HSPBAP1: variants seen among roughly 807,000 people sequenced by gnomAD.
HSPBAP1 encodes the protein HSPB1-associated protein 1.
A neutral mutation model predicts 45.2 loss-of-function variants in HSPBAP1; 27 were observed. The ratio of observed to expected loss-of-function variants is 0.60; its 90% confidence interval spans 0.44 to 0.82. HSPBAP1 has a LOEUF of 0.82. Ranked by LOEUF, HSPBAP1 falls within the 40% of genes least tolerant of loss-of-function variation. HSPBAP1 has a pLI of 0.00. For synonymous variants in HSPBAP1, 204 were observed against 202.7 expected, an observed-to-expected ratio of 1.01 and a Z score of -0.06; for missense variants, 510 against 590.9, an observed-to-expected ratio of 0.86 and a Z score of 1.42.
chr3:122,761,651 G>T (rs1475042044), intron 3 of HSPBAP1: 2 of 150,498 alleles, frequency 1.3e-5, no homozygotes, highest in Non-Finnish European at 2.9e-5. Flanking sequence ...GCTGGGCGTG[G>T]TGGCATGCAC....
In HSPBAP1 at chr3:122,793,717, G is replaced by C. The variant is rs756330579; in HGVS notation, c.-37C>G. 6.2e-7 allele frequency: 1 copy of C among 1,606,200 alleles called. No homozygotes were observed. Among genetic ancestry groups the C allele is most frequent in the Non-Finnish European group, 8.5e-7 (1 of 1,173,862 alleles). On this transcript the variant is annotated 5_prime_UTR_variant, in exon 1 of 8. Coordinates refer to ENST00000306103, the MANE Select transcript of HSPBAP1 (RefSeq NM_024610.6). The stretch of plus-strand genomic sequence containing the variant: ...GGCGGGTTCTGCCGGAACCCAAGGC[G>C]GAGCGGAGCTGGGGTGGGGTCAGAG...
intron 2 of HSPBAP1, 88 bp from the exon 3 acceptor site, chr3:122,768,970 C>CA: frequency 1.0e-6 from 1 of 983,644 alleles, no homozygotes; most frequent in Non-Finnish European, 1.5e-6. Flanking sequence ...TAATTTCAAC[C>CA]AAAAAATTAA....
At chr3:122,792,093 C>G (rs1336291848) in intron 1 of HSPBAP1, among the ~76,000 whole-genome samples, 1 of 152,104 alleles carries the variant, frequency 6.6e-6, no homozygotes, top group Non-Finnish European at 1.5e-5. Flanking sequence ...AAGAAAGAGG[C>G]AGAGAGAGGT....
At position 122,778,801 on chromosome 3, in the gene HSPBAP1, A is replaced by G. The variant is rs539483604; in HGVS notation, c.65-895T>C. On this transcript the variant is annotated intron_variant, in intron 1 of 7. Coordinates refer to ENST00000306103, the MANE Select transcript of HSPBAP1 (RefSeq NM_024610.6). ...TGCCTTGGCCTCCCAAAGTGCTGGA[A>G]TTACAGACGTGAGCCACTGCACCCG... Among the ~76,000 whole-genome samples the G allele has an allele frequency of 9.9e-5, 15 of 152,230 alleles. 1 individual carries two copies. The highest frequency in any genetic ancestry group is 2.4e-4 in the African/African-American group (10 of 41,560).
intron 2 of HSPBAP1, among the ~76,000 whole-genome samples, chr3:122,773,551 G>T (rs1284486994): frequency 6.7e-6 from 1 of 148,438 alleles, no homozygotes; most frequent in Admixed American, 6.7e-5. Context: ...CCTGAGCTCA[G>T]GTAATCCGCC....
In HSPBAP1 at chr3:122,755,305, C is replaced by A; in HGVS notation, c.696G>T (p.Gln232His). 6.2e-7 allele frequency: 1 copy of A among 1,602,532 alleles called. No individual in the cohort carries two copies. Among genetic ancestry groups the A allele is most frequent in the Non-Finnish European group, 8.5e-7 (1 of 1,175,544 alleles). The change falls in exon 5 of 8, where the codon CAG becomes CAT. Residue 232 changes from glutamine (Q) to histidine (H), a missense_variant. Gln to His is a conservative substitution (Grantham distance 24). Coordinates refer to ENST00000306103, the MANE Select transcript of HSPBAP1 (RefSeq NM_024610.6). ...CCGCATGTCTTTGAGCTTTCCGGAA[C>A]TGAGGAAAACGCTTTAAATCAGGAT... ...VVNPDLKRFP[Q>H]FRKAQRHAVT...
At chr3:122,771,954 C>T (rs1168301998) in intron 2 of HSPBAP1, among the ~76,000 whole-genome samples, 1 of 148,028 alleles carries the variant, frequency 6.8e-6, no homozygotes, top group East Asian at 2.3e-4. Context: ...ACCCACAAGA[C>T]AACAAAAAAC....
chr3:122,745,483 T>C (rs1160050571), intron 6 of HSPBAP1, among the ~76,000 whole-genome samples: 3 of 152,142 alleles, frequency 2.0e-5, no homozygotes, highest in Non-Finnish European at 2.9e-5. Context: ...TCAGAAAATA[T>C]TAAGTGAAAA....
intron 1 of HSPBAP1, among the ~76,000 whole-genome samples, chr3:122,780,993 T>G (rs372215859): frequency 2.8e-4 from 36 of 128,056 alleles, no homozygotes; most frequent in South Asian, 1.8e-3. Context: ...TTCCTAGATG[T>G]GATGGCAGCC....
At position 122,775,750 on chromosome 3, in the gene HSPBAP1, T is replaced by C. The variant is rs113782682; in HGVS notation, c.250+1971A>G. ...TTTCTCAAAATGTTAAACACAGAAT[T>C]ACTGTATGACCCAGCAATTCTACTC... is the stretch of plus-strand genomic sequence containing the variant. On this transcript the variant is annotated intron_variant, in intron 2 of 7. Transcript: ENST00000306103. Among the ~76,000 whole-genome samples, 547 of 152,300 alleles carry C rather than the reference T, an allele frequency of 3.6e-3. 4 individuals are homozygous for C. Among genetic ancestry groups the C allele is most frequent in the African/African-American group, 0.011 (472 of 41,556 alleles).
intron 6 of HSPBAP1, chr3:122,741,544 A>G (rs1933668245): frequency 5.8e-6 from 1 of 171,576 alleles, no homozygotes; most frequent in Admixed American, 5.5e-5. Flanking sequence ...CTATCCATCT[A>G]AACGTGGCTT....
chr3:122,748,890 A>G (rs959362137), intron 6 of HSPBAP1, among the ~76,000 whole-genome samples: 1 of 152,240 alleles, frequency 6.6e-6, no homozygotes, highest in African/African-American at 2.4e-5. Context: ...ACAGTGAAGT[A>G]CTAGACAGTG....
intron 1 of HSPBAP1, among the ~76,000 whole-genome samples, chr3:122,788,089 C>T (rs1367419107): frequency 6.6e-6 from 1 of 152,172 alleles, no homozygotes; most frequent in Non-Finnish European, 1.5e-5. Context: ...AGTAAACACA[C>T]AGGAAGTTCA....
At chr3:122,754,634 A>G in intron 5 of HSPBAP1, 2 of 985,130 alleles carry the variant, frequency 2.0e-6, no homozygotes, top group Non-Finnish European at 2.4e-6. Flanking sequence ...CGAGAGAATA[A>G]AATCTTCTTA....
chr3:122,755,270 C>T lies in HSPBAP1; in HGVS notation c.731G>A (p.Ser244Asn), dbSNP rs1218600284. 6.3e-7 allele frequency: 1 copy of T among 1,578,416 alleles called. No individual in the cohort carries two copies. The part of the protein sequence containing the change: ...RKAQRHAVTL[S>N]PGQVLFVPRH... ...TTAAAGCCCTATTACCTGTCCTGGG[C>T]TCAGTGTAACCGCATGTCTTTGAGC... is the stretch of plus-strand genomic sequence containing the variant. Residue 244 changes from serine to asparagine, a missense_variant, in exon 5 of 8, where the codon AGC becomes AAC. By Grantham distance (46) the Ser-to-Asn change is conservative. Coordinates refer to ENST00000306103, the MANE Select transcript of HSPBAP1 (RefSeq NM_024610.6).
Position 122,740,361 on chromosome 3 carries a change from T to C in HSPBAP1, c.1451A>G (p.Gln484Arg), listed in dbSNP as rs1933614368. Residue 484 changes from glutamine to arginine, a missense_variant, in exon 8 of 8, where the codon CAA becomes CGA. Transcript: ENST00000306103. ...CCACTTGAATCATAAACTTCTTCCT[T>C]GTATCAAAAGTTGTGCCACTATCCT... Reference protein sequence around the residue: ...VTRIVAQLLIQGRSL With the variant: ...VTRIVAQLLIRGRSL 3.1e-6 allele frequency: 5 copies of C among 1,600,360 alleles called. No individual in the cohort carries two copies. Among genetic ancestry groups the C allele is most frequent in the Non-Finnish European group, 4.3e-6 (5 of 1,169,684 alleles).
chr3:122,769,352 C>T (rs1934903289), intron 2 of HSPBAP1, among the ~76,000 whole-genome samples: 2 of 152,038 alleles, frequency 1.3e-5, no homozygotes, highest in Admixed American at 1.3e-4. Flanking sequence ...ATGCTGCTGA[C>T]ACCTGGAAAA....
At chr3:122,781,952 C>G (rs1384228906) in intron 1 of HSPBAP1, among the ~76,000 whole-genome samples, 3 of 151,988 alleles carry the variant, frequency 2.0e-5, no homozygotes, top group Admixed American at 2.0e-4. Flanking sequence ...GTGAAAAGAC[C>G]TAATTCTTAA....
At chr3:122,768,243 C>A (rs11915825) in intron 3 of HSPBAP1, among the ~76,000 whole-genome samples, 64,433 of 151,952 alleles carry the variant, frequency 0.42, 15,179 homozygotes, top group South Asian at 0.55. Flanking sequence ...AGGCCATGAA[C>A]TGCCAGAGAA....
Sources: allele counts gnomAD v4.1 joint callset (sites outside exome capture counted in the v4.1 genomes callset), GRCh38; gene constraint gnomAD v4.1.1; transcripts MANE v1.5; gene names NCBI Gene and HGNC (gene_info 2026-07-23, HGNC 2026-07-21).